GCNT2: variants seen among roughly 807,000 people sequenced by gnomAD.
GCNT2 encodes the protein glucosaminyl (N-acetyl) transferase 2 (I blood group).
Under a neutral mutation model 34.2 loss-of-function variants are expected in GCNT2, and 34 were observed. That is an observed-to-expected ratio of 1.00 (90% CI 0.76 to 1.32). The LOEUF (loss-of-function observed/expected upper bound fraction) is 1.32. Ranked by LOEUF, GCNT2 falls within the 40% of genes most tolerant of loss-of-function variation. The pLI is 0.00. For missense variants in GCNT2, 584 were observed against 489.4 expected, an observed-to-expected ratio of 1.19 and a Z score of -1.82; for synonymous variants, 212 against 188.0, an observed-to-expected ratio of 1.13 and a Z score of -1.04.
chr6:10,592,718 CTTTTA>C (rs1764701883), intron 3 of GCNT2, among the ~76,000 whole-genome samples: 1 of 152,020 alleles, frequency 6.6e-6, no homozygotes, highest in South Asian at 2.1e-4. Flanking sequence ...TTAATGAGCT[CTTTTA>C]TTTTTATTTG....
chr6:10,550,178 C>T (rs1178596903), intron 3 of GCNT2, among the ~76,000 whole-genome samples: 2 of 152,128 alleles, frequency 1.3e-5, no homozygotes, highest in Non-Finnish European at 2.9e-5. Context: ...CTCAGCCTCC[C>T]GAGTATCTGG....
At chr6:10,617,593 C>T (rs981050175) in intron 3 of GCNT2, among the ~76,000 whole-genome samples, 5 of 152,294 alleles carry the variant, frequency 3.3e-5, no homozygotes, top group South Asian at 2.1e-4. Flanking sequence ...AATGCGTAAC[C>T]ATCTGGGAAT....
chr6:10,539,180 CTTTTTTTTTTTTTTTTTT>C lies in GCNT2; in HGVS notation c.925+9353_925+9370del, dbSNP rs71548847. 3.1e-5 allele frequency among the ~76,000 whole-genome samples: 2 copies of C among 65,306 alleles called. 1 individual carries two copies. Among genetic ancestry groups the C allele is most frequent in the East Asian group, 1.1e-3 (2 of 1,778 alleles). 42.8% of individuals were successfully genotyped at this position (65,306 alleles called of 152,430 possible). A position where few individuals can be genotyped will look rare whatever the true frequency, so the allele number is the denominator to read the frequency against. On this transcript the variant is annotated intron_variant, in intron 3 of 4. Coordinates refer to ENST00000495262, the MANE Select transcript of GCNT2 (RefSeq NM_145649.5). ...AGCCTATCTCTACAGCTCACCGTCT[CTTTTTTTTTTTTTTTTTT>C]TTTTTTTTGAGGCAGAGTTTCACCC...
chr6:10,580,606 G>A (rs1561815026), intron 3 of GCNT2, among the ~76,000 whole-genome samples: 1 of 149,050 alleles, frequency 6.7e-6, no homozygotes, highest in Non-Finnish European at 1.5e-5. Context: ...TCATCAAAAA[G>A]CATTGCCTTA....
chr6:10,590,112 G>T (rs967123912), intron 3 of GCNT2, among the ~76,000 whole-genome samples: 1 of 152,098 alleles, frequency 6.6e-6, no homozygotes, highest in Non-Finnish European at 1.5e-5. Flanking sequence ...GACCCTTAAG[G>T]CTTGGCCGGG....
chr6:10,594,047 T>C (rs1199185433), intron 3 of GCNT2, among the ~76,000 whole-genome samples: 5 of 152,218 alleles, frequency 3.3e-5, no homozygotes, highest in Admixed American at 1.3e-4. Flanking sequence ...AATAAGCTAA[T>C]GCATATAGTA....
intron 3 of GCNT2, among the ~76,000 whole-genome samples, chr6:10,560,386 G>A (rs1228596746): frequency 2.6e-5 from 4 of 151,990 alleles, no homozygotes; most frequent in Non-Finnish European, 5.9e-5. Flanking sequence ...CCACTGCGCC[G>A]GGCTGAGCTC....
chr6:10,599,161 A>G (rs1371506592), intron 3 of GCNT2, among the ~76,000 whole-genome samples: 1 of 152,158 alleles, frequency 6.6e-6, no homozygotes, highest in East Asian at 1.9e-4. Context: ...ATAGTACCAG[A>G]GCTCATCCTG....
chr6:10,541,702 G>T (rs556502386), intron 3 of GCNT2, among the ~76,000 whole-genome samples: 8 of 152,094 alleles, frequency 5.3e-5, no homozygotes, highest in African/African-American at 1.7e-4. Flanking sequence ...TAATTGCAGG[G>T]AATTCAAGGG....
intron 3 of GCNT2, among the ~76,000 whole-genome samples, chr6:10,606,055 C>T (rs1765299003): frequency 6.6e-6 from 1 of 152,190 alleles, no homozygotes; most frequent in South Asian, 2.1e-4. Flanking sequence ...TGGCTCACGC[C>T]TGTAATCCTA....
intron 3 of GCNT2, among the ~76,000 whole-genome samples, chr6:10,578,879 G>A (rs1763944582): frequency 6.6e-6 from 1 of 152,114 alleles, no homozygotes; most frequent in Non-Finnish European, 1.5e-5. Flanking sequence ...GCAGATATCT[G>A]GATTAACCAC....
Position 10,529,475 on chromosome 6 carries a change from C to G in GCNT2, c.564C>G (p.Ile188Met), listed in dbSNP as rs986818634. 6.2e-7 allele frequency: 1 copy of G among 1,614,092 alleles called. No homozygotes were observed. Among genetic ancestry groups the G allele is most frequent in the Non-Finnish European group, 8.5e-7 (1 of 1,179,988 alleles). ...VASEVPWKYVINTCGQDFPLK... is the reference protein window; with the variant it reads ...VASEVPWKYVMNTCGQDFPLK... The stretch of plus-strand genomic sequence containing the variant: ...CTGAAGTTCCCTGGAAGTATGTCAT[C>G]AACACCTGCGGGCAAGACTTTCCCC... Residue 188 changes from isoleucine to methionine, a missense_variant, in exon 3 of 5, where the codon ATC becomes ATG. Ile to Met is a conservative substitution (Grantham distance 10). Coordinates refer to ENST00000495262, the MANE Select transcript of GCNT2 (RefSeq NM_145649.5).
At chr6:10,561,190 A>C (rs1762964912) in intron 3 of GCNT2, among the ~76,000 whole-genome samples, 1 of 151,832 alleles carries the variant, frequency 6.6e-6, no homozygotes, top group African/African-American at 2.4e-5. Context: ...TTTGAGACAG[A>C]GTTTCACTCT....
intron 3 of GCNT2, among the ~76,000 whole-genome samples, chr6:10,596,914 T>TA (rs1764878073): frequency 6.6e-6 from 1 of 152,198 alleles, no homozygotes; most frequent in African/African-American, 2.4e-5. Flanking sequence ...ATGCCTCAGT[T>TA]ATTAAGTTAT....
At chr6:10,582,365 T>C (rs1400036328) in intron 3 of GCNT2, among the ~76,000 whole-genome samples, 1 of 114,344 alleles carries the variant, frequency 8.7e-6, no homozygotes, top group Non-Finnish European at 1.7e-5. Flanking sequence ...TTAAATATAA[T>C]ATATACTATA....
At chr6:10,587,345 CA>C (rs1764402075) in intron 3 of GCNT2, among the ~76,000 whole-genome samples, 2 of 152,282 alleles carry the variant, frequency 1.3e-5, no homozygotes, top group South Asian at 4.1e-4. Context: ...GGAGCTGTTA[CA>C]GGGGTACTTA....
intron 3 of GCNT2, among the ~76,000 whole-genome samples, chr6:10,550,957 T>A (rs1475336450): frequency 6.6e-6 from 1 of 152,214 alleles, no homozygotes; most frequent in African/African-American, 2.4e-5. Context: ...GGCTGATAGT[T>A]GTGGAAACCA....
rs568195630 is a variant in GCNT2, at chr6:10,531,040, CAAA to C, written c.925+1219_925+1221del. ...TCGCACTCCAGCGGAGACTCTGTCT[CAAA>C]AAAAAAAAAAAAAAGATTTCTAGAC... On this transcript the variant is annotated intron_variant, in intron 3 of 4. Transcript: ENST00000495262. Among the ~76,000 whole-genome samples the C allele has an allele frequency of 4.3e-4, 41 of 95,784 alleles. 1 individual carries two copies. Among genetic ancestry groups the C allele is most frequent in the Admixed American group, 1.6e-3 (14 of 8,814 alleles). The allele number at this position is 95,784 out of a possible 152,430, so 62.8% of individuals were successfully genotyped here.
At chr6:10,543,591 A>G (rs1012971264) in intron 3 of GCNT2, among the ~76,000 whole-genome samples, 2 of 152,136 alleles carry the variant, frequency 1.3e-5, no homozygotes, top group Non-Finnish European at 2.9e-5. Context: ...TGAGGGTTCC[A>G]ATTTTTTCAT....
Sources: gnomAD v4.1 joint callset for allele counts (sites outside exome capture counted in the v4.1 genomes callset) on GRCh38, gnomAD v4.1.1 for gene constraint, MANE v1.5 for transcripts, NCBI Gene and HGNC (gene_info 2026-07-23, HGNC 2026-07-21) for gene names.